DNASE1: variants seen among roughly 807,000 people sequenced by gnomAD.
The protein encoded by DNASE1 is deoxyribonuclease 1.
DNASE1 carries 40 observed loss-of-function variants against 33.9 expected under a neutral mutation model. The ratio of observed to expected loss-of-function variants is 1.18; its 90% CI spans 0.92 to 1.54. The LOEUF (loss-of-function observed/expected upper bound fraction) is 1.54, where lower values mean the gene tolerates loss of function less well. Ranked by LOEUF, DNASE1 falls within the 40% of genes most tolerant of loss-of-function variation. The probability of loss-of-function intolerance (pLI) is 0.00; values close to 1 mark genes in which losing one functional copy is unlikely to be tolerated. For missense variants in DNASE1, 518 were observed against 372.6 expected (o/e 1.39, Z -3.21); for synonymous variants, 216 against 160.0 (o/e 1.35, Z -2.64).
Position 3,657,927 on chromosome 16 carries a change from T to G in DNASE1, c.823T>G (p.Tyr275Asp). 1 of 1,613,106 alleles carries G rather than the reference T, an allele frequency of 6.2e-7. No individual in the cohort carries two copies. The highest frequency in any genetic ancestry group is 1.1e-5 in the South Asian group (1 of 91,068). ...DQLAQAISDH[Y>D]PVEVMLK ...GCAGGCCCAAGCCATCAGTGACCAC[T>G]ATCCAGTGGAGGTGATGCTGAAGTG... is the stretch of plus-strand genomic sequence containing the variant. Residue 275 changes from tyrosine to aspartate, a missense_variant, in exon 9 of 9, where the codon TAT becomes GAT. By Grantham distance (160) the Tyr-to-Asp change is radical. Coordinates refer to ENST00000246949, the MANE Select transcript of DNASE1 (RefSeq NM_005223.4).
chr16:3,625,533 G>C (rs2041480849), intron 1 of DNASE1, among the ~76,000 whole-genome samples: 1 of 151,964 alleles, frequency 6.6e-6, no homozygotes, highest in African/African-American at 2.4e-5. Flanking sequence ...GGCTGAAATG[G>C]GATCGCTTGA....
chr16:3,628,393 T>A (rs909485357), intron 1 of DNASE1, among the ~76,000 whole-genome samples: 62 of 152,142 alleles, frequency 4.1e-4, no homozygotes, highest in Non-Finnish European at 1.6e-4. Flanking sequence ...AATTTTACTT[T>A]TTTCTTTCCA....
chr16:3,635,797 C>A (rs1289641013), intron 1 of DNASE1, among the ~76,000 whole-genome samples: 1 of 151,644 alleles, frequency 6.6e-6, no homozygotes, highest in Non-Finnish European at 1.5e-5. Flanking sequence ...TAATTCTTAT[C>A]CTTACTCCTT....
chr16:3,661,421 G>C (rs571943507), downstream of DNASE1: 1 of 152,210 alleles, frequency 6.6e-6, no homozygotes, highest in Non-Finnish European at 1.5e-5. Flanking sequence ...TCCCACCACC[G>C]GGGCCACAGA....
downstream of DNASE1, chr16:3,662,744 C>T (rs762216773): frequency 8.8e-6 from 7 of 799,896 alleles, no homozygotes; most frequent in Admixed American, 3.9e-5. Context: ...CAGGGACCCA[C>T]AGGGTCTCCA....
At chr16:3,612,713 A>G (rs1055880869) in intron 1 of DNASE1, among the ~76,000 whole-genome samples, 2 of 151,888 alleles carry the variant, frequency 1.3e-5, no homozygotes, top group South Asian at 4.2e-4. Flanking sequence ...CCGGCGTAAG[A>G]TTTTGTTTTT....
upstream of DNASE1, among the ~76,000 whole-genome samples, chr16:3,640,144 G>A (rs184689842): frequency 3.3e-3 from 503 of 152,264 alleles, 4 homozygotes; most frequent in African/African-American, 0.011. Flanking sequence ...TGGCTTGTGG[G>A]AACACAAAAT....
intron 1 of DNASE1, among the ~76,000 whole-genome samples, chr16:3,627,347 C>T (rs62037803): frequency 0.092 from 13,904 of 151,492 alleles, 901 homozygotes; most frequent in Non-Finnish European, 0.14. Flanking sequence ...ATGATCACGG[C>T]TCACTGCAGC....
chr16:3,633,278 C>G (rs927466382), intron 1 of DNASE1, among the ~76,000 whole-genome samples: 3 of 152,074 alleles, frequency 2.0e-5, no homozygotes, highest in Admixed American at 6.5e-5. Flanking sequence ...TTTTTCCTCT[C>G]TTAGCATGCC....
At chr16:3,625,810 G>A (rs991643460) in intron 1 of DNASE1, among the ~76,000 whole-genome samples, 3 of 152,046 alleles carry the variant, frequency 2.0e-5, no homozygotes, top group Non-Finnish European at 2.9e-5. Context: ...CATTAAGAGG[G>A]TGTAAAGGGC....
chr16:3,641,236 A>G (rs1449596335), upstream of DNASE1: 1 of 322,394 alleles, frequency 3.1e-6, no homozygotes, highest in East Asian at 4.7e-5. Flanking sequence ...CGCCTTGGCA[A>G]GGTGAGTGGA....
At chr16:3,644,193 A>G (rs1210345022) in intron 1 of DNASE1, among the ~76,000 whole-genome samples, 1 of 152,230 alleles carries the variant, frequency 6.6e-6, no homozygotes, top group East Asian at 1.9e-4. Flanking sequence ...CTGTAATCCC[A>G]GCACTTTGGG....
intron 5 of DNASE1, 106 bp downstream of exon 5, chr16:3,656,859 T>A: frequency 6.5e-7 from 1 of 1,539,522 alleles, no homozygotes; most frequent in Non-Finnish European, 8.8e-7. Context: ...TCCCAGTCCC[T>A]GGGGCTTGGG....
intron 1 of DNASE1, among the ~76,000 whole-genome samples, chr16:3,620,062 T>C (rs1386522463): frequency 6.6e-6 from 1 of 151,958 alleles, no homozygotes; most frequent in East Asian, 1.9e-4. Flanking sequence ...ACTACGGGCA[T>C]GCGCCATCAC....
At chr16:3,657,838 G>C (rs1405136430) in intron 8 of DNASE1, 22 bp downstream of exon 8, 1 of 1,613,934 alleles carries the variant, frequency 6.2e-7, no homozygotes, top group Non-Finnish European at 8.5e-7. Flanking sequence ...CCCTTGCACA[G>C]CCACATGAGG....
chr16:3,616,171 C>T (rs181078556), intron 1 of DNASE1, among the ~76,000 whole-genome samples: 1 of 152,262 alleles, frequency 6.6e-6, no homozygotes, highest in East Asian at 1.9e-4. Context: ...GCCACTGCTG[C>T]CTTTGTGTGA....
At chr16:3,662,441 G>C (rs958088681), downstream of DNASE1, 3 of 544,994 alleles carry the variant, frequency 5.5e-6, no homozygotes, top group South Asian at 6.2e-5. Context: ...CTTCCTCCAA[G>C]TGACCATGCA....
intron 1 of DNASE1, among the ~76,000 whole-genome samples, chr16:3,629,002 T>C (rs1363605676): frequency 6.7e-6 from 1 of 149,976 alleles, no homozygotes. Flanking sequence ...TGAAACCCTG[T>C]CTCTACTAAA....
intron 1 of DNASE1, among the ~76,000 whole-genome samples, chr16:3,618,724 CGT>C (rs958054482): frequency 1.1e-4 from 17 of 152,040 alleles, no homozygotes; most frequent in African/African-American, 4.1e-4. Context: ...AATGAAACTC[CGT>C]CAAAAAGAAG....
Sources: gnomAD v4.1 joint callset for allele counts (sites outside exome capture counted in the v4.1 genomes callset) on GRCh38, gnomAD v4.1.1 for gene constraint, MANE v1.5 for transcripts, NCBI Gene and HGNC (gene_info 2026-07-23, HGNC 2026-07-21) for gene names.